SP100: variants seen among roughly 807,000 people sequenced by gnomAD.
The protein encoded by SP100 is SP100 nuclear body protein, also known as nuclear autoantigen Sp-100.
Under a neutral mutation model 130.0 loss-of-function variants are expected in SP100, and 84 were observed. That is an observed-to-expected ratio of 0.65 (90% CI 0.54 to 0.77). The LOEUF (loss-of-function observed/expected upper bound fraction) is 0.77, where lower values mean the gene tolerates loss of function less well. SP100 is among the 30% of genes least tolerant of loss of function. The pLI is 0.00. For missense variants in SP100, 978 were observed against 1,052.2 expected (o/e 0.93, Z 0.97); for synonymous variants, 331 against 351.7 (o/e 0.94, Z 0.66).
chr2:230,525,302 G>T (rs1014257357), intron 24 of SP100, among the ~76,000 whole-genome samples: 1 of 152,124 alleles, frequency 6.6e-6, no homozygotes, highest in African/African-American at 2.4e-5. Flanking sequence ...ACAGTAAGTT[G>T]AAAAGTTTAG....
intron 8 of SP100, among the ~76,000 whole-genome samples, chr2:230,450,839 TA>T (rs910444118): frequency 2.0e-5 from 3 of 152,226 alleles, no homozygotes; most frequent in Middle Eastern, 3.2e-3. Flanking sequence ...TTTCAGTGTG[TA>T]GATGTATTTC....
At chr2:230,469,132 T>C (rs897923713) in intron 14 of SP100, 36 bp downstream of exon 14, 26 of 1,303,128 alleles carry the variant, frequency 2.0e-5, no homozygotes, top group Non-Finnish European at 2.6e-5. Context: ...GTAACAAATG[T>C]CTTTATTTGC....
intron 17 of SP100, among the ~76,000 whole-genome samples, chr2:230,480,152 A>G (rs147317233): frequency 6.6e-6 from 1 of 152,318 alleles, no homozygotes; most frequent in East Asian, 1.9e-4. Flanking sequence ...TCTCCCCACT[A>G]GACCATAAGC....
intron 2 of SP100, among the ~76,000 whole-genome samples, chr2:230,436,555 C>T (rs1049005178): frequency 6.6e-5 from 10 of 152,162 alleles, no homozygotes; most frequent in East Asian, 1.9e-4. Context: ...GGTTCCCCTT[C>T]GCCTTCCACC....
rs1462787407 is a variant in SP100, at chr2:230,461,330, A to T, written c.889A>T (p.Lys297Ter). ...NSCSVRLVDI[K>*]KEKPFSNSKV... is the part of the protein sequence containing the mutation. ...CTGTTCTGTGCGACTGGTGGATATA[A>T]AAAAGGAAAAGCCATTTTCTAATTC... Residue 297 changes from lysine (K) to a stop codon, truncating the protein, a stop_gained, in exon 9 of 29, where the codon AAA becomes TAA. Coordinates refer to ENST00000340126, the MANE Select transcript of SP100 (RefSeq NM_001080391.2). LOFTEE classifies it high-confidence loss of function. 5 of 1,614,178 alleles carry T rather than the reference A, an allele frequency of 3.1e-6. No homozygotes were observed. Among genetic ancestry groups the T allele is most frequent in the Non-Finnish European group, 4.2e-6 (5 of 1,180,008 alleles).
intron 24 of SP100, among the ~76,000 whole-genome samples, chr2:230,525,250 CCT>C (rs899343294): frequency 4.0e-5 from 6 of 151,774 alleles, no homozygotes; most frequent in African/African-American, 1.2e-4. Flanking sequence ...AATTTTTTTC[CCT>C]GTTTCCCTGT....
chr2:230,442,788 A>G (rs2063521997), intron 2 of SP100, 149 bp from the exon 3 acceptor site: 2 of 641,164 alleles, frequency 3.1e-6, no homozygotes, highest in Non-Finnish European at 5.4e-6. Flanking sequence ...TTGTTGCTTC[A>G]ATTGCATTTA....
At chr2:230,486,483 T>C (rs2066103562) in intron 17 of SP100, among the ~76,000 whole-genome samples, 1 of 152,242 alleles carries the variant, frequency 6.6e-6, no homozygotes, top group African/African-American at 2.4e-5. Context: ...GCTTCATCCA[T>C]GTCCCTGCAA....
intron 4 of SP100, among the ~76,000 whole-genome samples, chr2:230,445,620 C>A (rs950588589): frequency 3.3e-5 from 5 of 152,052 alleles, no homozygotes; most frequent in African/African-American, 1.2e-4. Flanking sequence ...AAAATAATTT[C>A]TATAGCAAAA....
intron 19 of SP100, among the ~76,000 whole-genome samples, chr2:230,498,736 T>A (rs1051322711): frequency 6.6e-6 from 1 of 152,156 alleles, no homozygotes; most frequent in African/African-American, 2.4e-5. Flanking sequence ...TCTGCAACCA[T>A]ACCCCAGGGC....
At chr2:230,474,657 A>C (rs1020903965) in intron 17 of SP100, among the ~76,000 whole-genome samples, 1 of 152,012 alleles carries the variant, frequency 6.6e-6, no homozygotes, top group Non-Finnish European at 1.5e-5. Flanking sequence ...TACCCAACAG[A>C]TGGTTCTTCA....
intron 17 of SP100, among the ~76,000 whole-genome samples, chr2:230,482,677 A>T (rs2065888481): frequency 6.7e-6 from 1 of 149,648 alleles, no homozygotes; most frequent in Non-Finnish European, 1.5e-5. Flanking sequence ...CACACATAAC[A>T]TGCATCAAGC....
intron 24 of SP100, among the ~76,000 whole-genome samples, chr2:230,526,108 G>A (rs967420581): frequency 9.2e-5 from 14 of 152,260 alleles, no homozygotes; most frequent in South Asian, 6.2e-4. Flanking sequence ...CTCCTCAAGC[G>A]GGTCCCTGAC....
chr2:230,481,989 G>A (rs796278145), intron 17 of SP100, among the ~76,000 whole-genome samples: 10 of 152,016 alleles, frequency 6.6e-5, no homozygotes, highest in African/African-American at 2.4e-4. Flanking sequence ...TAAGTTTTAG[G>A]GTACATGTGC....
At chr2:230,522,498 T>TTTTTTG (rs1691220638) in intron 24 of SP100, among the ~76,000 whole-genome samples, 1 of 145,082 alleles carries the variant, frequency 6.9e-6, no homozygotes, top group Non-Finnish European at 1.5e-5. Flanking sequence ...TTTTTTTTTT[T>TTTTTTG]GAGACAGAGT....
Position 230,469,054 on chromosome 2 carries a change from T to C in SP100, c.1303T>C (p.Ser435Pro). Residue 435 changes from serine to proline, a missense_variant, in exon 14 of 29, where the codon TCT becomes CCT. Coordinates refer to ENST00000340126, the MANE Select transcript of SP100 (RefSeq NM_001080391.2). ...SKHGEKAPMT[S>P]RSTSTWRIPS... ...CCTTTACTTTCTAGCTCCTATGACTTCTAGAAGTACATCTACTTGGAGAAT... is the reference window on the plus strand; with the variant it reads ...CCTTTACTTTCTAGCTCCTATGACTCCTAGAAGTACATCTACTTGGAGAAT... 6.3e-7 allele frequency: 1 copy of C among 1,594,690 alleles called. No homozygotes were observed. The highest frequency in any genetic ancestry group is 2.2e-5 in the East Asian group (1 of 44,766).
intron 17 of SP100, among the ~76,000 whole-genome samples, chr2:230,490,775 G>A (rs1055832633): frequency 6.6e-6 from 1 of 152,116 alleles, no homozygotes; most frequent in African/African-American, 2.4e-5. Flanking sequence ...ATGAAATTCT[G>A]TATTGAAAAT....
chr2:230,542,115 G>C, intron 28 of SP100, 80 bp downstream of exon 28: 1 of 1,462,640 alleles, frequency 6.8e-7, no homozygotes, highest in Non-Finnish European at 9.5e-7. Flanking sequence ...TTTCATGTCA[G>C]GTAAATGTTA....
chr2:230,478,035 A>T (rs2065653768), intron 17 of SP100, among the ~76,000 whole-genome samples: 1 of 152,014 alleles, frequency 6.6e-6, no homozygotes, highest in African/African-American at 2.4e-5. Flanking sequence ...ATGTTCTTCC[A>T]CTAAAAATTT....
Sources: allele counts gnomAD v4.1 joint callset (sites outside exome capture counted in the v4.1 genomes callset), GRCh38; gene constraint gnomAD v4.1.1; transcripts MANE v1.5; gene names NCBI Gene and HGNC (gene_info 2026-07-23, HGNC 2026-07-21).